The following JAK2 variants were observed in gnomAD, a reference collection of about 807,000 sequenced individuals.
JAK2 encodes Janus kinase 2, also known as tyrosine-protein kinase JAK2.
JAK2 carries 86 observed loss-of-function variants against 139.3 expected under a neutral mutation model. The ratio of observed to expected loss-of-function variants is 0.62; its 90% CI spans 0.52 to 0.74. JAK2 has a LOEUF of 0.74. JAK2 is among the 30% of genes least tolerant of loss of function. The pLI, the probability that JAK2 is intolerant of heterozygous loss-of-function variation, is 0.00. For missense variants in JAK2, 1,421 were observed against 1,360.3 expected, an observed-to-expected ratio of 1.04 and a Z score of -0.70; for synonymous variants, 490 against 437.7, an observed-to-expected ratio of 1.12 and a Z score of -1.49.
intron 2 of JAK2, among the ~76,000 whole-genome samples, chr9:4,999,576 C>G (rs969301192): frequency 6.6e-6 from 1 of 152,126 alleles, no homozygotes; most frequent in Non-Finnish European, 1.5e-5. Context: ...TAAATGATCA[C>G]AAGGTCCCAC....
rs994654346 is a variant in JAK2 at position 5,054,418 on chromosome 9, G to A, written c.615-145G>A. Reference sequence around the variant, plus strand: ...AAAGTTTTATACTGTATGGATGGGGGTTATGTCAACTTACGCCACTTGGCC... The same window carrying A: ...AAAGTTTTATACTGTATGGATGGGGATTATGTCAACTTACGCCACTTGGCC... On this transcript the variant is annotated intron_variant, in intron 6 of 24. Coordinates refer to ENST00000381652, the MANE Select transcript of JAK2 (RefSeq NM_004972.4). This position sits in a 1 kb window ranked among gnomAD's most constrained non-coding sequence, Gnocchi z 4.9. The A allele has an allele frequency of 1.1e-5, 7 of 612,114 alleles. No individual in the cohort carries two copies. Among genetic ancestry groups the A allele is most frequent in the African/African-American group, 7.4e-5 (4 of 53,912 alleles). The allele number at this position is 612,114 out of a possible 1,614,324, so 37.9% of individuals were successfully genotyped here. A position where few individuals can be genotyped will look rare whatever the true frequency, so the allele number is the denominator to read the frequency against.
At chr9:5,056,401 G>A (rs1249196936) in intron 8 of JAK2, among the ~76,000 whole-genome samples, 1 of 151,850 alleles carries the variant, frequency 6.6e-6, no homozygotes, top group Non-Finnish European at 1.5e-5. Flanking sequence ...GATGCTTCTT[G>A]ACCCTTCCTG....
chr9:5,085,417 C>A (rs62543863), intron 19 of JAK2: 1 of 758,786 alleles, frequency 1.3e-6, no homozygotes, highest in African/African-American at 1.7e-5. Context: ...TGCTTTACAA[C>A]TGTTGGCTAT....
At chr9:5,081,057 G>A (rs1435618197) in intron 18 of JAK2, among the ~76,000 whole-genome samples, 3 of 151,216 alleles carry the variant, frequency 2.0e-5, no homozygotes, top group East Asian at 3.9e-4. Flanking sequence ...CACCACACCC[G>A]GCTAATTTTT....
At chr9:5,089,923 T>C in intron 20 of JAK2, 60 bp downstream of exon 20, 1 of 1,177,714 alleles carries the variant, frequency 8.5e-7, no homozygotes, top group Non-Finnish European at 1.1e-6. Context: ...TCCTGTGTAA[T>C]ATAAATGTAC....
intron 17 of JAK2, 67 bp downstream of exon 17, chr9:5,080,447 T>C: frequency 6.5e-7 from 1 of 1,544,692 alleles, no homozygotes; most frequent in Non-Finnish European, 8.8e-7. Flanking sequence ...TCACATGATT[T>C]GTATTTTTTA....
At chr9:5,059,520 A>G (rs1465530690) in intron 8 of JAK2, among the ~76,000 whole-genome samples, 1 of 152,152 alleles carries the variant, frequency 6.6e-6, no homozygotes. Context: ...TTTACCATGA[A>G]CATTCTTATA....
chr9:5,068,535 A>G (rs914047813), intron 10 of JAK2, among the ~76,000 whole-genome samples: 3 of 152,164 alleles, frequency 2.0e-5, no homozygotes, highest in African/African-American at 7.2e-5. Context: ...AGAAGTGGGT[A>G]TACATTCTTA....
chr9:5,000,164 A>G (rs947580018), intron 2 of JAK2, among the ~76,000 whole-genome samples: 1 of 151,320 alleles, frequency 6.6e-6, no homozygotes, highest in Non-Finnish European at 1.5e-5. Flanking sequence ...GTTTTTTTTT[A>G]AAGTTTTGAT....
Position 5,077,497 on chromosome 9 carries a change from T to TATC in JAK2, c.1910_1912dup (p.Tyr637_Leu638insHis). 1 of 1,407,798 alleles carries TATC rather than the reference T, an allele frequency of 7.1e-7. No homozygotes were observed. Among genetic ancestry groups the TATC allele is most frequent in the Non-Finnish European group, 9.5e-7 (1 of 1,049,824 alleles). 87.2% of individuals were successfully genotyped at this position (1,407,798 alleles called of 1,614,324 possible). On this transcript the variant is annotated inframe_insertion, in exon 15 of 25. Coordinates refer to ENST00000381652, the MANE Select transcript of JAK2 (RefSeq NM_004972.4). The stretch of plus-strand genomic sequence containing the variant: ...TGTAAAATTTGGATCACTAGATACA[T>TATC]ATCTGAAAAAGAATAAAAATTGTAT...
At chr9:5,031,686 A>G (rs985603732) in intron 4 of JAK2, among the ~76,000 whole-genome samples, 8 of 152,370 alleles carry the variant, frequency 5.3e-5, no homozygotes, top group Middle Eastern at 3.4e-3. Flanking sequence ...GCAAAACAAT[A>G]GAAAAAATCA....
At chr9:5,028,227 T>G (rs1257117549) in intron 3 of JAK2, among the ~76,000 whole-genome samples, 1 of 152,210 alleles carries the variant, frequency 6.6e-6, no homozygotes, top group East Asian at 1.9e-4. Flanking sequence ...CAACATGAAA[T>G]TCAATGTACA....
intron 22 of JAK2, among the ~76,000 whole-genome samples, chr9:5,091,768 G>A (rs557350067): frequency 6.6e-6 from 1 of 152,212 alleles, no homozygotes; most frequent in South Asian, 2.1e-4. Flanking sequence ...AAGTCGGGGG[G>A]CTGAATGGTG....
chr9:5,110,983 A>G (rs1822452476), intron 22 of JAK2: 1 of 637,744 alleles, frequency 1.6e-6, no homozygotes, highest in Non-Finnish European at 2.8e-6. Flanking sequence ...CTTCAGCATG[A>G]TGTTCCCGCT....
intron 19 of JAK2, among the ~76,000 whole-genome samples, chr9:5,089,182 A>G (rs1481361396): frequency 6.6e-6 from 1 of 152,202 alleles, no homozygotes; most frequent in East Asian, 1.9e-4. Context: ...TTACAGATTT[A>G]CTACCCACCT....
intron 22 of JAK2, chr9:5,094,699 G>A (rs1205785465): frequency 6.6e-6 from 1 of 152,072 alleles, no homozygotes; most frequent in Non-Finnish European, 1.5e-5. Context: ...CTAGTTTCAG[G>A]CTTCAATGTC....
At chr9:5,022,935 A>G (rs1355941598) in intron 3 of JAK2, among the ~76,000 whole-genome samples, 1 of 152,250 alleles carries the variant, frequency 6.6e-6, no homozygotes, top group Non-Finnish European at 1.5e-5. Flanking sequence ...ATAAGAATGT[A>G]TGATTACATC....
chr9:5,094,075 AG>A (rs1462100146), intron 22 of JAK2: 1 of 152,158 alleles, frequency 6.6e-6, no homozygotes, highest in Non-Finnish European at 1.5e-5. Flanking sequence ...TTACAATCAA[AG>A]GTTCAACTCC....
chr9:5,090,934 A>C (rs2274649), intron 22 of JAK2, 23 bp downstream of exon 22: 2 of 1,494,312 alleles, frequency 1.3e-6, no homozygotes, highest in Non-Finnish European at 1.8e-6. Flanking sequence ...CAGTATGATA[A>C]ATGAAATTTT....
Sources: gnomAD v4.1 joint callset for allele counts (sites outside exome capture counted in the v4.1 genomes callset) on GRCh38, gnomAD v4.1.1 for gene constraint, Gnocchi (gnomAD v3.1) non-coding constraint, MANE v1.5 for transcripts, NCBI Gene and HGNC (gene_info 2026-07-23, HGNC 2026-07-21) for gene names.